RANBP2: variants seen among roughly 807,000 people sequenced by gnomAD.
RANBP2 encodes the protein E3 SUMO-protein ligase RanBP2.
A neutral mutation model predicts 303.6 loss-of-function variants in RANBP2; 57 were observed. That is an observed-to-expected ratio of 0.19 (90% CI 0.15 to 0.23). The LOEUF (loss-of-function observed/expected upper bound fraction) is 0.23, where lower values mean the gene tolerates loss of function less well. Ranked by LOEUF, RANBP2 falls within the 10% of genes least tolerant of loss-of-function variation. RANBP2 has a pLI of 1.00. For synonymous variants in RANBP2, 1,167 were observed against 1,301.5 expected (o/e 0.90, Z 2.23); for missense variants, 3,138 against 3,780.8 (o/e 0.83, Z 4.46).
chr2:108,788,365 A>G (rs1300988276), downstream of RANBP2, among the ~76,000 whole-genome samples: 1 of 151,506 alleles, frequency 6.6e-6, no homozygotes, highest in Non-Finnish European at 1.5e-5. Context: ...GGTTGCAGTG[A>G]GCCGAGATGG....
chr2:109,185,552 G>A, the RANBP2 span, among the ~76,000 whole-genome samples: 1 of 152,212 alleles, frequency 6.6e-6, no homozygotes, highest in Non-Finnish European at 1.5e-5. Context: ...AGAATGCTGG[G>A]GGTGGAGTCT....
the RANBP2 span, among the ~76,000 whole-genome samples, chr2:108,858,912 A>C: frequency 0.79 from 119,595 of 152,030 alleles, 47,832 homozygotes; most frequent in East Asian, 0.92. Flanking sequence ...TCTTTATCTG[A>C]TCCACCACTG....
At chr2:109,503,417 A>G in the RANBP2 span, 2 of 152,122 alleles carry the variant, frequency 1.3e-5, no homozygotes, top group Non-Finnish European at 2.9e-5. Flanking sequence ...CCAGGTGGTC[A>G]CCACACGGCG....
At chr2:108,887,203 T>TG in the RANBP2 span, among the ~76,000 whole-genome samples, 1 of 3,518 alleles carries the variant, frequency 2.8e-4, no homozygotes, top group African/African-American at 4.2e-4. Flanking sequence ...AATATGTGTC[T>TG]TATTTCTGGT....
At chr2:109,498,916 G>A in the RANBP2 span, among the ~76,000 whole-genome samples, 29 of 152,346 alleles carry the variant, frequency 1.9e-4, no homozygotes, top group South Asian at 5.4e-3. Flanking sequence ...CCTGAGGTGG[G>A]TGCACCTGGG....
At chr2:108,809,124 G>C in the RANBP2 span, among the ~76,000 whole-genome samples, 1 of 152,214 alleles carries the variant, frequency 6.6e-6, no homozygotes, top group South Asian at 2.1e-4. Context: ...TCAGTTGGCT[G>C]TAAATGTGTG....
At chr2:109,210,768 G>T in the RANBP2 span, among the ~76,000 whole-genome samples, 1 of 152,190 alleles carries the variant, frequency 6.6e-6, no homozygotes, top group Non-Finnish European at 1.5e-5. Context: ...TGAATTAGTC[G>T]ACTGCTTCTC....
At chr2:109,081,651 A>C in the RANBP2 span, among the ~76,000 whole-genome samples, 144,922 of 152,218 alleles carry the variant, frequency 0.95, 69,368 homozygotes, top group Non-Finnish European at 1. Flanking sequence ...TGCAAGGGGC[A>C]AGAGCATCCT....
chr2:108,805,619 C>G, the RANBP2 span, among the ~76,000 whole-genome samples: 1 of 151,584 alleles, frequency 6.6e-6, no homozygotes. Flanking sequence ...CCCAGCTACT[C>G]GGGAGGCTGA....
the RANBP2 span, among the ~76,000 whole-genome samples, chr2:109,197,547 T>C: frequency 6.6e-6 from 1 of 152,256 alleles, no homozygotes; most frequent in Non-Finnish European, 1.5e-5. Context: ...CCACCCTTGA[T>C]GCAGGTGGCC....
chr2:109,486,675 A>G, the RANBP2 span, among the ~76,000 whole-genome samples: 1 of 152,174 alleles, frequency 6.6e-6, no homozygotes, highest in Middle Eastern at 3.4e-3. Context: ...GGCCTTCACC[A>G]CACCTGCAGA....
chr2:109,165,887 G>A, the RANBP2 span, among the ~76,000 whole-genome samples: 1 of 152,226 alleles, frequency 6.6e-6, no homozygotes, highest in African/African-American at 2.4e-5. Flanking sequence ...GGATGCCTGT[G>A]CAAGAAGACC....
the RANBP2 span, among the ~76,000 whole-genome samples, chr2:108,957,705 C>T: frequency 6.6e-6 from 1 of 152,242 alleles, no homozygotes; most frequent in African/African-American, 2.4e-5. Context: ...ACCGGGCCTA[C>T]CAGGCGAGGC....
At chr2:109,663,403 G>T in the RANBP2 span, among the ~76,000 whole-genome samples, 2 of 152,174 alleles carry the variant, frequency 1.3e-5, no homozygotes, top group Non-Finnish European at 2.9e-5. Context: ...ATCCACTGTG[G>T]AGTACCTACT....
chr2:109,669,061 A>G, the RANBP2 span, among the ~76,000 whole-genome samples: 2 of 152,242 alleles, frequency 1.3e-5, no homozygotes, highest in African/African-American at 4.8e-5. Flanking sequence ...ATACATGCAC[A>G]GATTTACAGC....
chr2:108,884,605 G>C, the RANBP2 span: 1 of 152,178 alleles, frequency 6.6e-6, no homozygotes, highest in African/African-American at 2.4e-5. Flanking sequence ...CTGTGACAAA[G>C]CTCCACATAA....
chr2:109,026,898 C>T, the RANBP2 span, among the ~76,000 whole-genome samples: 1 of 151,996 alleles, frequency 6.6e-6, no homozygotes. Context: ...ACTAAAAATA[C>T]AAAAAATTAG....
At chr2:108,941,346 T>G in the RANBP2 span, among the ~76,000 whole-genome samples, 1 of 152,198 alleles carries the variant, frequency 6.6e-6, no homozygotes, top group Non-Finnish European at 1.5e-5. Flanking sequence ...TGAGGCAGGT[T>G]CCCAAAGGGG....
At chr2:108,907,631 G>GCTCTCC in the RANBP2 span, among the ~76,000 whole-genome samples, 1 of 148,580 alleles carries the variant, frequency 6.7e-6, no homozygotes, top group Non-Finnish European at 1.5e-5. Flanking sequence ...CTGGGTGACA[G>GCTCTCC]AGCAAGACTC....
Sources: allele counts gnomAD v4.1 joint callset (sites outside exome capture counted in the v4.1 genomes callset), GRCh38; gene constraint gnomAD v4.1.1; transcripts MANE v1.5; gene names NCBI Gene and HGNC (gene_info 2026-07-23, HGNC 2026-07-21).